PCM1: variants seen among roughly 807,000 people sequenced by gnomAD.
PCM1 encodes pericentriolar material 1 protein.
PCM1 carries 157 observed loss-of-function variants against 241.9 expected under a neutral mutation model. The observed-to-expected ratio is 0.65, with a 90% CI of 0.57 to 0.74. The LOEUF is 0.74. Among genes scored for constraint, PCM1 ranks in the 30% least tolerant of loss-of-function variants. The probability of loss-of-function intolerance (pLI) is 0.00; values close to 1 mark genes in which losing one functional copy is unlikely to be tolerated. For synonymous variants in PCM1, 1,085 were observed against 784.9 expected, an observed-to-expected ratio of 1.38 and a Z score of -6.39; for missense variants, 3,478 against 2,360.1, an observed-to-expected ratio of 1.47 and a Z score of -9.81.
chr8:17,949,972 C>T (rs2065390992), intron 7 of PCM1, among the ~76,000 whole-genome samples: 1 of 152,048 alleles, frequency 6.6e-6, no homozygotes, highest in Admixed American at 6.6e-5. Context: ...ACTTGTATCA[C>T]AAACAGCCAC....
chr8:18,022,049 C>G (rs549096950), intron 36 of PCM1, among the ~76,000 whole-genome samples: 2 of 152,240 alleles, frequency 1.3e-5, no homozygotes, highest in South Asian at 4.2e-4. Flanking sequence ...AAAAATTGCC[C>G]TTGAGCCTCA....
intron 6 of PCM1, among the ~76,000 whole-genome samples, chr8:17,945,700 T>TTTA (rs2063532001): frequency 2.6e-5 from 4 of 152,188 alleles, no homozygotes; most frequent in African/African-American, 9.6e-5. Context: ...GTAAAGGATG[T>TTTA]CACCCAGAAG....
Position 17,980,686 on chromosome 8 carries a change from T to C in PCM1, c.4039T>C (p.Phe1347Leu). Residue 1347 changes from phenylalanine (F) to leucine (L), a missense_variant, in exon 24 of 39, where the codon TTC becomes CTC. By Grantham distance (22) the Phe-to-Leu change is conservative. Transcript: ENST00000325083. ...QTEEPVQAKV[F>L]SRKNHEQLEK... Reference sequence around the variant, plus strand: ...TGAAGAGCCTGTTCAAGCAAAAGTATTCAGCAGAAAGAATCATGAGCAACT... The same window carrying C: ...TGAAGAGCCTGTTCAAGCAAAAGTACTCAGCAGAAAGAATCATGAGCAACT... 1.9e-6 allele frequency: 3 copies of C among 1,613,292 alleles called. No individual in the cohort carries two copies. The highest frequency in any genetic ancestry group is 2.5e-6 in the Non-Finnish European group (3 of 1,179,472).
intron 22 of PCM1, among the ~76,000 whole-genome samples, chr8:17,970,782 A>G (rs1400383407): frequency 6.6e-6 from 1 of 152,186 alleles, no homozygotes; most frequent in Non-Finnish European, 1.5e-5. Context: ...TAAATTATTT[A>G]TATCATTTTT....
intron 2 of PCM1, among the ~76,000 whole-genome samples, chr8:17,934,270 T>G (rs1007107300): frequency 1.4e-5 from 2 of 147,152 alleles, no homozygotes; most frequent in Admixed American, 1.3e-4. Context: ...TTTTTAATCT[T>G]TTTTTTTTTT....
rs773923222 is a variant in PCM1 at position 17,955,491 on chromosome 8, A to G, written c.1310A>G (p.Asp437Gly). Residue 437 changes from aspartate to glycine, a missense_variant, in exon 10 of 39, where the codon GAT (aspartate) becomes GGT (glycine). Asp to Gly is a moderately conservative substitution (Grantham distance 94). Transcript: ENST00000325083. ...TCAGCCTCTCCACAAAGGAGTGTCG[A>G]TCAGAGAAGTACTTCAGCTCCCTCT... ...NSSSSPQRSV[D>G]QRSTSAPSAS... is the part of the protein sequence containing the mutation. The G allele has an allele frequency of 8.1e-6, 13 of 1,610,764 alleles. 1 individual carries two copies. The South Asian group carries it at 1.4e-4, about 18-fold the overall frequency.
At position 17,960,133 on chromosome 8, in the gene PCM1, A is replaced by G. The variant is rs540725800; in HGVS notation, c.2160A>G (p.Thr720=). ...ACACTAGAGGAAATGCCAATAAAAC[A>G]CAGAAAGATACTGGAGTAAATGAAA... ...SNNTRGNANK[T]QKDTGVNEKA... is the part of the protein sequence containing the mutation. The change falls in exon 14 of 39, where the codon ACA becomes ACG. Residue 720 remains threonine, a synonymous_variant. Coordinates refer to ENST00000325083, the MANE Select transcript of PCM1 (RefSeq NM_006197.4). The G allele has an allele frequency of 5.0e-5, 80 of 1,588,774 alleles. 1 individual carries two copies. In the South Asian group the frequency reaches 7.8e-4, roughly 16 times the overall value.
At chr8:17,976,508 A>G (rs1031936772) in intron 23 of PCM1, among the ~76,000 whole-genome samples, 9 of 152,220 alleles carry the variant, frequency 5.9e-5, no homozygotes, top group Admixed American at 1.3e-4. Flanking sequence ...GAAAACGTCC[A>G]TCCATATAGC....
rs775726930 is a variant in PCM1 at position 17,990,485 on chromosome 8, GT to G, written c.4531+519del. Among the ~76,000 whole-genome samples the G allele has an allele frequency of 4.1e-3, 583 of 141,566 alleles. 2 individuals are homozygous for G. The highest frequency in any genetic ancestry group is 0.012 in the African/African-American group (452 of 38,920). 92.9% of individuals were successfully genotyped at this position (141,566 alleles called of 152,430 possible). On this transcript the variant is annotated intron_variant, in intron 27 of 38. Transcript: ENST00000325083. ...TGGTTGTTTTTTTTTGTTTGTTTGG[GT>G]TTTTTTTTTTTTCCCCCTCTCCCAT... is the stretch of plus-strand genomic sequence containing the variant.
intron 7 of PCM1, 134 bp from the exon 8 acceptor site, chr8:17,950,481 C>G: frequency 1.7e-6 from 1 of 585,288 alleles, no homozygotes; most frequent in Non-Finnish European, 3.0e-6. Flanking sequence ...GCAGATAGAT[C>G]GGATTGTTAA....
Position 17,937,180 on chromosome 8 carries a change from A to AT in PCM1, c.144dup (p.Lys49Ter). The AT allele has an allele frequency of 6.3e-7, 1 of 1,587,982 alleles. No homozygotes were observed. Among genetic ancestry groups the AT allele is most frequent in the Non-Finnish European group, 8.6e-7 (1 of 1,165,528 alleles). ...AAAGCAAATAGATCATCAGAAAAGA[A>AT]TAAGAAAAAGTTTGGTGTAGAAAGT... On this transcript the variant is annotated frameshift_variant, in exon 4 of 39. Transcript: ENST00000325083. LOFTEE classifies it high-confidence loss of function.
At chr8:17,927,283 A>G (rs1268596743) in intron 2 of PCM1, 5 of 151,922 alleles carry the variant, frequency 3.3e-5, no homozygotes, top group Admixed American at 3.3e-4. Context: ...GGAACGCCCC[A>G]CCACACGTGG....
chr8:18,000,530 C>CGA (rs1230269574), intron 29 of PCM1, among the ~76,000 whole-genome samples: 2 of 149,726 alleles, frequency 1.3e-5, no homozygotes, highest in Admixed American at 6.7e-5. Flanking sequence ...GGTAGAGTGT[C>CGA]GAGAGAGAGA....
chr8:17,999,662 C>T (rs1322437014), intron 29 of PCM1, among the ~76,000 whole-genome samples: 2 of 152,152 alleles, frequency 1.3e-5, no homozygotes, highest in Non-Finnish European at 2.9e-5. Flanking sequence ...GATGGTCTTT[C>T]CTACCCTCAG....
At chr8:17,953,570 G>C (rs1423889153) in intron 9 of PCM1, among the ~76,000 whole-genome samples, 2 of 152,092 alleles carry the variant, frequency 1.3e-5, no homozygotes, top group Admixed American at 1.3e-4. Flanking sequence ...CCAAAACTGT[G>C]AAACATAGTG....
Position 18,025,347 on chromosome 8 carries a change from T to TC in PCM1, c.5842-13dup. 7.0e-7 allele frequency: 1 copy of TC among 1,422,866 alleles called. No homozygotes were observed. The highest frequency in any genetic ancestry group is 9.8e-7 in the Non-Finnish European group (1 of 1,019,512). The allele number at this position is 1,422,866 out of a possible 1,614,324, so 88.1% of individuals were successfully genotyped here. A position where few individuals can be genotyped will look rare whatever the true frequency, so the allele number is the denominator to read the frequency against. On this transcript the variant is annotated splice_polypyrimidine_tract_variant and intron_variant, in intron 36 of 38. Transcript: ENST00000325083. Reference sequence around the variant, plus strand: ...GATCTAGAGTATGTATTTTTTTTTTTCATTACATTACAGGAAGCAGAATCT... The same window carrying TC: ...GATCTAGAGTATGTATTTTTTTTTTTCCATTACATTACAGGAAGCAGAATCT...
At chr8:18,017,456 TC>T (rs2129486983) in intron 36 of PCM1, among the ~76,000 whole-genome samples, 1 of 152,116 alleles carries the variant, frequency 6.6e-6, no homozygotes, top group African/African-American at 2.4e-5. Flanking sequence ...TAGAAAAAAA[TC>T]AGTTTCTGTA....
At chr8:17,956,898 A>G (rs1563902963) in intron 11 of PCM1, 121 bp downstream of exon 11, 10 of 811,224 alleles carry the variant, frequency 1.2e-5, no homozygotes, top group Admixed American at 4.9e-5. Flanking sequence ...GCTTTCTACT[A>G]TTTTGGTCAG....
chr8:18,015,581 C>T, intron 36 of PCM1: 1 of 152,018 alleles, frequency 6.6e-6, no homozygotes, highest in East Asian at 1.9e-4. Context: ...CCACATTTTC[C>T]AAATAAATAC....
Sources: allele counts gnomAD v4.1 joint callset (sites outside exome capture counted in the v4.1 genomes callset), GRCh38; gene constraint gnomAD v4.1.1; transcripts MANE v1.5; gene names NCBI Gene and HGNC (gene_info 2026-07-23, HGNC 2026-07-21).